Variants in ERAP2 observed in about 807,000 individuals in gnomAD.
ERAP2 encodes leukocyte-derived arginine aminopeptidase.
Under a neutral mutation model 111.1 loss-of-function variants are expected in ERAP2, and 118 were observed. The ratio of observed to expected loss-of-function variants is 1.06; its 90% CI spans 0.92 to 1.24. ERAP2 has a LOEUF of 1.24. Ranked by LOEUF, ERAP2 falls within the 50% of genes most tolerant of loss-of-function variation. The pLI, the probability that ERAP2 is intolerant of heterozygous loss-of-function variation, is 0.00. For missense variants in ERAP2, 1,131 were observed against 1,125.8 expected (o/e 1.00, Z -0.07); for synonymous variants, 410 against 401.2 (o/e 1.02, Z -0.26).
At chr5:96,880,516 T>G (rs1472781656) in intron 2 of ERAP2, among the ~76,000 whole-genome samples, 2 of 152,122 alleles carry the variant, frequency 1.3e-5, no homozygotes, top group Non-Finnish European at 2.9e-5. Flanking sequence ...ATAGATATGC[T>G]TATGTGCTAG....
At chr5:96,906,090 A>G (rs902588154) in intron 13 of ERAP2, among the ~76,000 whole-genome samples, 6 of 152,080 alleles carry the variant, frequency 3.9e-5, no homozygotes, top group Admixed American at 1.3e-4. Context: ...CAATCTTTAC[A>G]AGAGGTGATA....
intron 5 of ERAP2, among the ~76,000 whole-genome samples, chr5:96,891,771 T>C (rs150015680): frequency 6.6e-6 from 1 of 152,236 alleles, no homozygotes; most frequent in African/African-American, 2.4e-5. Context: ...GTGCTCATAA[T>C]AGAGGCTATA....
At chr5:96,881,286 A>G (rs1385337129) in intron 2 of ERAP2, 1 of 401,758 alleles carries the variant, frequency 2.5e-6, no homozygotes, top group Non-Finnish European at 5.0e-6. Flanking sequence ...AGTTCAGGTA[A>G]GAAGTGATGC....
At chr5:96,910,373 T>C (rs1310666888) in intron 15 of ERAP2, 1 of 152,178 alleles carries the variant, frequency 6.6e-6, no homozygotes, top group Admixed American at 6.5e-5. Context: ...CTTGAATTCT[T>C]CTTTTTAAAA....
chr5:96,900,065 C>T (rs1785283648), intron 9 of ERAP2, 56 bp from the exon 10 acceptor site: 7 of 1,601,410 alleles, frequency 4.4e-6, no homozygotes, highest in African/African-American at 4.0e-5. Flanking sequence ...CTAATGTGCA[C>T]GTTCAGCCAA....
At chr5:96,898,611 T>G (rs6859168) in intron 9 of ERAP2, among the ~76,000 whole-genome samples, 90,648 of 146,168 alleles carry the variant, frequency 0.62, 28,284 homozygotes, top group Middle Eastern at 0.73. Context: ...GTCTGGTGGA[T>G]CACCTGTAAT....
chr5:96,898,696 A>T (rs140796008), intron 9 of ERAP2, among the ~76,000 whole-genome samples: 182 of 152,182 alleles, frequency 1.2e-3, no homozygotes, highest in African/African-American at 4.0e-3. Flanking sequence ...CTGAGATCAC[A>T]CCACTGGACT....
chr5:96,889,843 C>T (rs1212108450), intron 5 of ERAP2, among the ~76,000 whole-genome samples: 2 of 151,768 alleles, frequency 1.3e-5, no homozygotes, highest in East Asian at 3.9e-4. Flanking sequence ...CACACACACA[C>T]ACACACACAC....
At chr5:96,899,126 A>C (rs948705578) in intron 9 of ERAP2, among the ~76,000 whole-genome samples, 1 of 152,202 alleles carries the variant, frequency 6.6e-6, no homozygotes, top group African/African-American at 2.4e-5. Context: ...TCAAAAGATA[A>C]AGTAATCATC....
At chr5:96,914,102 G>A (rs889520958) in intron 17 of ERAP2, among the ~76,000 whole-genome samples, 1 of 150,810 alleles carries the variant, frequency 6.6e-6, no homozygotes, top group Non-Finnish European at 1.5e-5. Context: ...TTGTTGGAAT[G>A]GAATGTATAA....
intron 18 of ERAP2, 77 bp from the exon 19 acceptor site, chr5:96,917,385 T>TGGGGGGG: frequency 7.0e-7 from 1 of 1,435,994 alleles, no homozygotes; most frequent in Non-Finnish European, 9.5e-7. Flanking sequence ...CCTCCCGAAG[T>TGGGGGGG]GCTGGGATTA....
At chr5:96,878,877 A>G (rs1230364) in intron 1 of ERAP2, among the ~76,000 whole-genome samples, 79,404 of 151,874 alleles carry the variant, frequency 0.52, 20,940 homozygotes, top group South Asian at 0.61. Flanking sequence ...GCAGTGAGCC[A>G]AGATAGTGCC....
At chr5:96,880,437 C>G (rs759519185) in intron 2 of ERAP2, among the ~76,000 whole-genome samples, 177 bp downstream of exon 2, 1 of 152,138 alleles carries the variant, frequency 6.6e-6, no homozygotes, top group Non-Finnish European at 1.5e-5. Flanking sequence ...GATGTAAAGA[C>G]AGGACTCAGA....
At chr5:96,901,089 T>C (rs74804796) in intron 10 of ERAP2, among the ~76,000 whole-genome samples, 2 of 152,242 alleles carry the variant, frequency 1.3e-5, no homozygotes, top group South Asian at 2.1e-4. Context: ...AATTGTTCTG[T>C]TGAAATATTT....
At chr5:96,890,341 A>G (rs557877710) in intron 5 of ERAP2, among the ~76,000 whole-genome samples, 2 of 152,292 alleles carry the variant, frequency 1.3e-5, no homozygotes, top group Admixed American at 1.3e-4. Flanking sequence ...CGCAGTTCAC[A>G]ATAGGATTCA....
intron 4 of ERAP2, among the ~76,000 whole-genome samples, chr5:96,888,417 A>G (rs1559354): frequency 0.55 from 83,497 of 152,042 alleles, 22,962 homozygotes; most frequent in Admixed American, 0.6. Context: ...TTACTAAATC[A>G]TTATGTGTTT....
At chr5:96,912,944 T>C (rs1410253163) in intron 16 of ERAP2, 146 bp downstream of exon 16, 1 of 666,092 alleles carries the variant, frequency 1.5e-6, no homozygotes, top group Non-Finnish European at 2.4e-6. Context: ...GAAAAGAATA[T>C]ATTGACAAAA....
In ERAP2 at chr5:96,916,630, AT is replaced by A. The variant is rs1223851626; in HGVS notation, c.2740-825del. On this transcript the variant is annotated intron_variant, in intron 18 of 18. Transcript: ENST00000437043. ...AGGAGGCTGCCACCATGCCCACCTAATTTTTTTGTATTTTTTTTTAGTAGAG... is the reference window on the plus strand; with the variant it reads ...AGGAGGCTGCCACCATGCCCACCTAATTTTTTGTATTTTTTTTTAGTAGAG... 3.3e-5 allele frequency among the ~76,000 whole-genome samples: 5 copies of A among 150,178 alleles called. No homozygotes were observed. In the East Asian group the frequency reaches 7.9e-4, roughly 24 times the overall value.
At chr5:96,911,410 T>A (rs1465677042) in intron 15 of ERAP2, among the ~76,000 whole-genome samples, 3 of 152,176 alleles carry the variant, frequency 2.0e-5, no homozygotes, top group Admixed American at 1.3e-4. Context: ...TAAAAACTGG[T>A]TAATGTCCTC....
Sources: gnomAD v4.1 joint callset for allele counts (sites outside exome capture counted in the v4.1 genomes callset) on GRCh38, gnomAD v4.1.1 for gene constraint, MANE v1.5 for transcripts, NCBI Gene and HGNC (gene_info 2026-07-23, HGNC 2026-07-21) for gene names.